Variants in USO1 observed in about 807,000 individuals in gnomAD.
The protein encoded by USO1 is general vesicular transport factor p115.
Under a neutral mutation model 124.5 loss-of-function variants are expected in USO1, and 57 were observed. That is an observed-to-expected ratio of 0.46 (90% CI 0.37 to 0.57). USO1 has a LOEUF of 0.57. Among genes scored for constraint, USO1 ranks in the 20% least tolerant of loss-of-function variants. USO1 has a pLI of 0.00. For missense variants in USO1, 900 were observed against 1,040.6 expected (o/e 0.86, Z 1.86); for synonymous variants, 369 against 362.8 (o/e 1.02, Z -0.19).
intron 4 of USO1, among the ~76,000 whole-genome samples, chr4:75,760,771 C>A (rs1255787667): frequency 2.0e-5 from 3 of 152,132 alleles, no homozygotes; most frequent in Non-Finnish European, 4.4e-5. Context: ...AATAAACTTA[C>A]ATTACTATTA....
At chr4:75,738,456 CA>C (rs199794954) in intron 1 of USO1, among the ~76,000 whole-genome samples, 14,258 of 143,122 alleles carry the variant, frequency 0.1, 895 homozygotes, top group South Asian at 0.21. Flanking sequence ...GACTTCGTCT[CA>C]AAAAAAAAAA....
chr4:75,742,281 A>G (rs1028690184), intron 1 of USO1, among the ~76,000 whole-genome samples: 8 of 152,214 alleles, frequency 5.3e-5, no homozygotes, highest in Non-Finnish European at 1.0e-4. Flanking sequence ...TGTTTACACC[A>G]GCATCACCAC....
At chr4:75,778,528 A>G (rs1715083395) in intron 8 of USO1, among the ~76,000 whole-genome samples, 1 of 152,186 alleles carries the variant, frequency 6.6e-6, no homozygotes, top group Non-Finnish European at 1.5e-5. Flanking sequence ...CTGTTGTTCA[A>G]GGGTCGGCTG....
rs992063409 is a variant in USO1, at chr4:75,751,779, C to T, written c.67-594C>T. ...CCCAGGAGGCGGAGGTTGCAGTGAGCCGAGATCGCATTGTCGCACTCCAGC... is the reference window on the plus strand; with the variant it reads ...CCCAGGAGGCGGAGGTTGCAGTGAGTCGAGATCGCATTGTCGCACTCCAGC... On this transcript the variant is annotated intron_variant, in intron 1 of 23. Coordinates refer to ENST00000514213, the MANE Select transcript of USO1 (RefSeq NM_003715.4). Among the ~76,000 whole-genome samples the T allele has an allele frequency of 2.6e-5, 4 of 151,746 alleles. No individual in the cohort carries two copies. In the East Asian group the frequency reaches 7.9e-4, roughly 30 times the overall value.
chr4:75,785,108 T>C (rs1399523925), intron 9 of USO1, among the ~76,000 whole-genome samples: 2 of 152,354 alleles, frequency 1.3e-5, no homozygotes, highest in African/African-American at 4.8e-5. Context: ...GAATACTTTA[T>C]GTATAACTTT....
intron 1 of USO1, among the ~76,000 whole-genome samples, chr4:75,751,494 G>A (rs1019065272): frequency 7.4e-4 from 109 of 147,576 alleles, no homozygotes; most frequent in Non-Finnish European, 1.4e-3. Flanking sequence ...TTACAGGCAT[G>A]AGCCACTGAG....
At chr4:75,742,589 T>G (rs1183303624) in intron 1 of USO1, among the ~76,000 whole-genome samples, 1 of 152,230 alleles carries the variant, frequency 6.6e-6, no homozygotes, top group Admixed American at 6.5e-5. Context: ...GTTACTTGTT[T>G]CAAGTACAGA....
intron 1 of USO1, among the ~76,000 whole-genome samples, chr4:75,741,995 C>T (rs1393629038): frequency 2.0e-5 from 3 of 152,146 alleles, no homozygotes; most frequent in African/African-American, 7.2e-5. Context: ...TCTTGTTCCA[C>T]TGGAAGGTCT....
chr4:75,807,002 C>A (rs1350859483), intron 20 of USO1, among the ~76,000 whole-genome samples: 1 of 151,934 alleles, frequency 6.6e-6, no homozygotes, highest in Non-Finnish European at 1.5e-5. Flanking sequence ...GGTAAACTTA[C>A]CTATATCTCA....
In USO1 at chr4:75,744,307, C is replaced by T. The variant is rs113543439; in HGVS notation, c.67-8066C>T. On this transcript the variant is annotated intron_variant, in intron 1 of 23. Coordinates refer to ENST00000514213, the MANE Select transcript of USO1 (RefSeq NM_003715.4). ...AATAAATTCTTCAGACTGTATTATT[C>T]CTTTGACCTTTAACTTTCCTAAACC... is the stretch of plus-strand genomic sequence containing the variant. Among the ~76,000 whole-genome samples, 450 of 152,284 alleles carry T rather than the reference C, an allele frequency of 3.0e-3. 5 individuals are homozygous for T. The highest frequency in any genetic ancestry group is 0.01 in the African/African-American group (434 of 41,570).
chr4:75,775,987 C>A (rs561264678), intron 8 of USO1, among the ~76,000 whole-genome samples: 1 of 152,140 alleles, frequency 6.6e-6, no homozygotes, highest in African/African-American at 2.4e-5. Flanking sequence ...AGGTATTAGA[C>A]GGGTTGCTGT....
At chr4:75,757,134 T>C (rs1438952594) in intron 3 of USO1, among the ~76,000 whole-genome samples, 1 of 152,132 alleles carries the variant, frequency 6.6e-6, no homozygotes, top group Non-Finnish European at 1.5e-5. Context: ...TAAATTTTTA[T>C]ATTTTTCCAC....
intron 9 of USO1, among the ~76,000 whole-genome samples, chr4:75,783,646 C>T (rs568624729): frequency 7.9e-5 from 12 of 152,008 alleles, no homozygotes; most frequent in Non-Finnish European, 1.6e-4. Flanking sequence ...TGGTTAGGTC[C>T]GCTAGTAATT....
At chr4:75,760,787 G>A (rs1160271752) in intron 4 of USO1, among the ~76,000 whole-genome samples, 2 of 152,126 alleles carry the variant, frequency 1.3e-5, no homozygotes, top group Non-Finnish European at 2.9e-5. Flanking sequence ...TATTATTTCT[G>A]CAGCTACTAA....
intron 4 of USO1, 104 bp from the exon 5 acceptor site, chr4:75,770,335 A>G (rs1721885709): frequency 8.9e-7 from 1 of 1,122,512 alleles, no homozygotes; most frequent in Non-Finnish European, 1.2e-6. Context: ...CCAGTGTTGA[A>G]TTGTTTACCA....
intron 15 of USO1, 49 bp downstream of exon 15, chr4:75,800,518 C>CTTTTTT (rs35563762): frequency 6.5e-5 from 89 of 1,376,752 alleles, no homozygotes; most frequent in South Asian, 2.3e-4. Flanking sequence ...GATAATGATG[C>CTTTTTT]TTTTTTTTTT....
chr4:75,796,629 C>T (rs1263124701), intron 13 of USO1, among the ~76,000 whole-genome samples: 4 of 152,032 alleles, frequency 2.6e-5, no homozygotes, highest in African/African-American at 4.8e-5. Flanking sequence ...TGAGACACCG[C>T]GCCCAGCCCG....
intron 17 of USO1, among the ~76,000 whole-genome samples, chr4:75,803,212 A>G (rs1722903031): frequency 6.6e-6 from 1 of 152,076 alleles, no homozygotes; most frequent in South Asian, 2.1e-4. Flanking sequence ...ATTAAAAATT[A>G]TGGTTTGAAA....
chr4:75,800,298 T>A lies in USO1; in HGVS notation c.1564-53T>A, dbSNP rs965224227. 2.0e-6 allele frequency: 3 copies of A among 1,521,390 alleles called. No homozygotes were observed. The African/African-American group carries it at 4.2e-5, about 21-fold the overall frequency. The allele number at this position is 1,521,390 out of a possible 1,614,324, so 94.2% of individuals were successfully genotyped here. Reference sequence around the variant, plus strand: ...GTATTAATGTATGTCAAATTCAAATTGCAAAATGTACTAGATATTTTCAAT... The same window carrying A: ...GTATTAATGTATGTCAAATTCAAATAGCAAAATGTACTAGATATTTTCAAT... On this transcript the variant is annotated intron_variant, in intron 14 of 23. Transcript: ENST00000514213.
Sources: allele counts gnomAD v4.1 joint callset (sites outside exome capture counted in the v4.1 genomes callset), GRCh38; gene constraint gnomAD v4.1.1; transcripts MANE v1.5; gene names NCBI Gene and HGNC (gene_info 2026-07-23, HGNC 2026-07-21).